Variants in GRM8 observed in about 807,000 individuals in gnomAD.
The protein encoded by GRM8 is metabotropic glutamate receptor 8.
A neutral mutation model predicts 87.2 loss-of-function variants in GRM8; 47 were observed. The ratio of observed to expected loss-of-function variants is 0.54; its 90% confidence interval spans 0.43 to 0.69. GRM8 has a LOEUF of 0.69. GRM8 is among the 30% of genes least tolerant of loss of function. The pLI is 0.00. For missense variants in GRM8, 1,019 were observed against 1,139.2 expected, an observed-to-expected ratio of 0.89 and a Z score of 1.52; for synonymous variants, 396 against 404.5, an observed-to-expected ratio of 0.98 and a Z score of 0.25.
chr7:126,454,279 G>A (rs1423021824), intron 9 of GRM8, among the ~76,000 whole-genome samples: 7 of 151,602 alleles, frequency 4.6e-5, no homozygotes, highest in African/African-American at 2.4e-5. Flanking sequence ...GCCTAGAGAC[G>A]GAAGCCTTGC....
At chr7:126,902,813 C>A in intron 5 of GRM8, 134 bp from the exon 6 acceptor site, 1 of 574,628 alleles carries the variant, frequency 1.7e-6, no homozygotes, top group Non-Finnish European at 2.9e-6. Context: ...GAGAGAAAGC[C>A]AGTAGCCCAT....
intron 2 of GRM8, among the ~76,000 whole-genome samples, chr7:127,233,988 C>G (rs1168520302): frequency 6.6e-6 from 1 of 152,166 alleles, no homozygotes; most frequent in Non-Finnish European, 1.5e-5. Flanking sequence ...CCAATTACAG[C>G]TAAAAGAGAT....
chr7:126,933,266 G>T (rs1055285837), intron 3 of GRM8, among the ~76,000 whole-genome samples: 6 of 152,330 alleles, frequency 3.9e-5, no homozygotes, highest in African/African-American at 1.4e-4. Flanking sequence ...AGAAAAGCAA[G>T]GGGAGGGCTC....
chr7:126,749,616 G>A (rs1816164097), intron 7 of GRM8, among the ~76,000 whole-genome samples: 1 of 149,634 alleles, frequency 6.7e-6, no homozygotes, highest in Admixed American at 6.7e-5. Context: ...AATGAATGAA[G>A]ATTTTTACAG....
chr7:127,029,692 T>A (rs1817167798), intron 3 of GRM8, among the ~76,000 whole-genome samples: 1 of 151,828 alleles, frequency 6.6e-6, no homozygotes, highest in African/African-American at 2.4e-5. Flanking sequence ...GCTTGGTAGA[T>A]CTTCCTCCAT....
chr7:127,249,617 C>T lies in GRM8; in HGVS notation c.-312+3180G>A, dbSNP rs1454732880. On this transcript the variant is annotated intron_variant, in intron 1 of 10. Transcript: ENST00000339582. ...CCTCCCAGTGAGTGGGTGAGTTTGT[C>T]GCAATTTGTCAAATTACCAAGTAGA... Among the ~76,000 whole-genome samples the T allele has an allele frequency of 2.6e-5, 4 of 151,938 alleles. No homozygotes were observed. The East Asian group carries it at 5.8e-4, about 22-fold the overall frequency.
chr7:127,134,472 G>T (rs1047881068), intron 2 of GRM8, among the ~76,000 whole-genome samples: 5 of 152,172 alleles, frequency 3.3e-5, no homozygotes, highest in African/African-American at 1.2e-4. Flanking sequence ...CTTAAAATCT[G>T]CAATGATTCA....
intron 6 of GRM8, among the ~76,000 whole-genome samples, chr7:126,852,214 A>T (rs1797276196): frequency 6.6e-6 from 1 of 152,132 alleles, no homozygotes; most frequent in African/African-American, 2.4e-5. Context: ...CGCTCCAGCC[A>T]TTCTATGTGC....
chr7:127,162,366 C>T (rs928775424), intron 2 of GRM8, among the ~76,000 whole-genome samples: 2 of 152,212 alleles, frequency 1.3e-5, no homozygotes, highest in Admixed American at 1.3e-4. Context: ...TACCTCCGTT[C>T]AGGGCTTTTT....
At chr7:126,834,298 A>C (rs561301820) in intron 6 of GRM8, among the ~76,000 whole-genome samples, 1 of 152,372 alleles carries the variant, frequency 6.6e-6, no homozygotes, top group East Asian at 1.9e-4. Context: ...TTTAAGGGGA[A>C]ACAATACATG....
chr7:126,445,939 A>G, intron 10 of GRM8, 187 bp downstream of exon 10: 1 of 653,710 alleles, frequency 1.5e-6, no homozygotes, highest in Non-Finnish European at 2.7e-6. Flanking sequence ...ACTCTGTAGA[A>G]CAGCCGCTCA....
chr7:126,509,807 C>A (rs954072867), intron 9 of GRM8, among the ~76,000 whole-genome samples: 1 of 151,766 alleles, frequency 6.6e-6, no homozygotes. Flanking sequence ...CAGGAAAAGT[C>A]CTAAATGACC....
chr7:126,942,782 C>T (rs180742193), intron 3 of GRM8, among the ~76,000 whole-genome samples: 6 of 152,242 alleles, frequency 3.9e-5, no homozygotes, highest in Non-Finnish European at 7.4e-5. Context: ...CTTTCCTTTG[C>T]TAACACATTC....
At chr7:126,748,945 C>T (rs1435472639) in intron 7 of GRM8, among the ~76,000 whole-genome samples, 1 of 151,940 alleles carries the variant, frequency 6.6e-6, no homozygotes, top group Non-Finnish European at 1.5e-5. Flanking sequence ...TTAAGATAAA[C>T]CTCAAGCTTC....
chr7:126,746,047 G>C (rs1815633531), intron 7 of GRM8, among the ~76,000 whole-genome samples: 1 of 151,446 alleles, frequency 6.6e-6, no homozygotes, highest in South Asian at 2.1e-4. Context: ...GTCACAAAGG[G>C]GCCATTATAA....
At chr7:127,084,533 T>C (rs1024985188) in intron 3 of GRM8, 3 of 152,180 alleles carry the variant, frequency 2.0e-5, no homozygotes, top group African/African-American at 7.2e-5. Flanking sequence ...CAGTTCTCTG[T>C]GGACACAAGA....
intron 7 of GRM8, among the ~76,000 whole-genome samples, chr7:126,618,602 G>A (rs1050733053): frequency 2.0e-5 from 3 of 152,012 alleles, no homozygotes; most frequent in Non-Finnish European, 2.9e-5. Flanking sequence ...CCTACAGAAG[G>A]GGAGAAAATT....
At chr7:126,768,257 G>A (rs1007154335) in intron 7 of GRM8, among the ~76,000 whole-genome samples, 3 of 148,252 alleles carry the variant, frequency 2.0e-5, no homozygotes, top group Non-Finnish European at 3.0e-5. Flanking sequence ...CAGGAAACTC[G>A]AAGTGCCATG....
intron 7 of GRM8, among the ~76,000 whole-genome samples, chr7:126,693,641 T>G (rs1290705413): frequency 6.6e-6 from 1 of 152,186 alleles, no homozygotes; most frequent in African/African-American, 2.4e-5. Context: ...AAGTTTTACA[T>G]TACTTCTTAG....
Sources: gnomAD v4.1 joint callset for allele counts (sites outside exome capture counted in the v4.1 genomes callset) on GRCh38, gnomAD v4.1.1 for gene constraint, MANE v1.5 for transcripts, NCBI Gene and HGNC (gene_info 2026-07-23, HGNC 2026-07-21) for gene names.